Variants in HUWE1 observed in about 807,000 individuals in gnomAD.
HUWE1 encodes HECT, UBA and WWE domain containing E3 ubiquitin protein ligase 1, also known as E3 ubiquitin-protein ligase HUWE1.
Under a neutral mutation model 299.4 loss-of-function variants are expected in HUWE1, and 18 were observed. That is an observed-to-expected ratio of 0.06 (90% CI 0.04 to 0.09). The LOEUF is 0.09. HUWE1 is among the 10% of genes least tolerant of loss of function. HUWE1 has a pLI of 1.00. For missense variants in HUWE1, 1,832 were observed against 3,462.3 expected (o/e 0.53, Z 11.82); for synonymous variants, 1,317 against 1,286.1 (o/e 1.02, Z -0.51).
At chrX:53,537,434 A>G in intron 78 of HUWE1, 122 bp downstream of exon 78, 1 of 711,889 alleles carries the variant, frequency 1.4e-6, no homozygotes, top group Non-Finnish European at 2.2e-6. Flanking sequence ...CCAGATTCCT[A>G]TGGGGAATTC....
At chrX:53,631,111 AACAACACAACTAAACGTTTTCTCCTTTG>A (rs2066848724) in intron 11 of HUWE1, 77 bp from the exon 12 acceptor site, 4 of 642,044 alleles carry the variant, frequency 6.2e-6, no homozygotes, top group Non-Finnish European at 1.0e-5. Context: ...TAACTCAAAA[AACAACACAACTAAACGTTTTCTCCTTTG>A]ATATCCGAAG....
rs2066734582 is a variant in HUWE1 at position 53,629,532 on chromosome X, G to A, written c.947C>T (p.Thr316Met). 4 of 1,180,918 alleles carry A rather than the reference G, an allele frequency of 3.4e-6. No individual in the cohort carries two copies. The highest frequency in any genetic ancestry group is 2.3e-6 in the Non-Finnish European group (2 of 868,187). ...AATACTTACCATAAGCTGCTTATCCGTTATCTGAAGGACATCTACCAACTC... is the reference window on the plus strand; with the variant it reads ...AATACTTACCATAAGCTGCTTATCCATTATCTGAAGGACATCTACCAACTC... ...IEELVDVLQI[T>M]DKQLMEIKAA... Residue 316 changes from threonine to methionine, a missense_variant, in exon 13 of 84, where the codon ACG becomes ATG. Thr to Met is a moderately conservative substitution (Grantham distance 81). Transcript: ENST00000262854.
In HUWE1 at chrX:53,584,206, C is replaced by T. The variant is rs782671267; in HGVS notation, c.5141G>A (p.Arg1714His). ...CATACCATTGCCTTTATTTTCTTTA[C>T]GTTTGATATCCATTTCTTTGCTTTC... Reference protein sequence around the residue: ...LEESKEMDIKRKENKGNDTPL... With the variant: ...LEESKEMDIKHKENKGNDTPL... Residue 1714 changes from arginine to histidine, a missense_variant, in exon 41 of 84, where the codon CGT (arginine) becomes CAT (histidine). Coordinates refer to ENST00000262854, the MANE Select transcript of HUWE1 (RefSeq NM_031407.7). 1.7e-6 allele frequency: 2 copies of T among 1,207,398 alleles called. No homozygotes were observed. The highest frequency in any genetic ancestry group is 1.7e-5 in the African/African-American group (1 of 57,174).
chrX:53,578,374 CCCGGCCAGCCGCCCCGT>C (rs1465265683), intron 43 of HUWE1, among the ~76,000 whole-genome samples: 2 of 101,467 alleles, frequency 2.0e-5, no homozygotes, highest in Non-Finnish European at 4.0e-5. Flanking sequence ...CAGCCCCCCG[CCCGGCCAGCCGCCCCGT>C]CCGGGAGGTG....
chrX:53,553,551 T>C (rs959816170), intron 61 of HUWE1, among the ~76,000 whole-genome samples: 2 of 107,357 alleles, frequency 1.9e-5, no homozygotes, highest in Non-Finnish European at 3.9e-5. Context: ...GGCTCATGCC[T>C]GTAATCCAAG....
chrX:53,644,436 G>A (rs929176475), intron 7 of HUWE1, among the ~76,000 whole-genome samples: 5 of 111,629 alleles, frequency 4.5e-5, no homozygotes, highest in African/African-American at 1.3e-4. Context: ...GTTTTTAATA[G>A]TAAGAGGAAA....
chrX:53,616,829 G>A (rs2065831691), intron 21 of HUWE1, 141 bp downstream of exon 21: 1 of 491,140 alleles, frequency 2.0e-6, no homozygotes, highest in African/African-American at 2.4e-5. Context: ...TATTCCTTCT[G>A]AAGTATAATA....
intron 47 of HUWE1, among the ~76,000 whole-genome samples, chrX:53,570,186 A>G (rs2062755905): frequency 9.2e-6 from 1 of 109,120 alleles, no homozygotes; most frequent in African/African-American, 3.6e-5. Context: ...ATTCACAGGC[A>G]TGATCATCGC....
In HUWE1 at chrX:53,538,377, C is replaced by T; in HGVS notation, c.11956G>A (p.Val3986Ile). 1 of 1,209,015 alleles carries T rather than the reference C, an allele frequency of 8.3e-7. No individual in the cohort carries two copies. Among genetic ancestry groups the T allele is most frequent in the Non-Finnish European group, 1.1e-6 (1 of 893,289 alleles). ...HLADGPFAVL[V>I]DYIRVLDFDV... is the part of the protein sequence containing the mutation. ...AAGTCGAGGACACGAATGTAGTCTA[C>T]CAGGACAGCAAAAGGCCCATCAGCA... The change falls in exon 77 of 84, where the codon GTA (valine) becomes ATA (isoleucine). Residue 3986 changes from valine (V) to isoleucine (I), a missense_variant. Val to Ile is a conservative substitution (Grantham distance 29). Around this residue, in one of 15 missense-constraint regions of HUWE1, gnomAD observed 129 missense variants for 439.4 expected, o/e 0.29. Coordinates refer to ENST00000262854, the MANE Select transcript of HUWE1 (RefSeq NM_031407.7).
At chrX:53,639,403 TA>T (rs2067427882) in intron 7 of HUWE1, among the ~76,000 whole-genome samples, 1 of 111,501 alleles carries the variant, frequency 9.0e-6, no homozygotes, top group South Asian at 3.7e-4. Context: ...ATAACAAATA[TA>T]AGCATGCATC....
chrX:53,658,426 A>T (rs782044905), intron 3 of HUWE1, among the ~76,000 whole-genome samples: 1 of 111,931 alleles, frequency 8.9e-6, no homozygotes, highest in African/African-American at 3.3e-5. Context: ...AAAGGAGAAG[A>T]ACAAAGTCAG....
At chrX:53,536,811 C>G (rs2061082770) in intron 78 of HUWE1, 144 bp from the exon 79 acceptor site, 1 of 533,345 alleles carries the variant, frequency 1.9e-6, no homozygotes, top group Non-Finnish European at 3.1e-6. Flanking sequence ...CAGGACAGCC[C>G]AGAAATGGGG....
intron 74 of HUWE1, among the ~76,000 whole-genome samples, chrX:53,540,539 G>A (rs1250749968): frequency 1.8e-5 from 2 of 111,902 alleles, no homozygotes; most frequent in African/African-American, 6.5e-5. Context: ...ATGTTGGTCA[G>A]GCTGGTCTTG....
rs781865515 is a variant in HUWE1, at chrX:53,628,464, T to TA, written c.1242+28dup. 0.033 allele frequency: 33,411 copies of TA among 999,975 alleles called. 1 individual carries two copies. The highest frequency in any genetic ancestry group is 0.037 in the Non-Finnish European group (28,229 of 758,065). 82.4% of individuals were successfully genotyped at this position (999,975 alleles called of 1,213,427 possible). A position where few individuals can be genotyped will look rare whatever the true frequency, so the allele number is the denominator to read the frequency against. On this transcript the variant is annotated intron_variant, in intron 15 of 83. Transcript: ENST00000262854. ...CCTTAGTTGATTTCCCCATGTAGTT[T>TA]AAAAAAAAAAAAAAAAAAAGTACAG...
intron 74 of HUWE1, 55 bp from the exon 75 acceptor site, chrX:53,539,867 G>A (rs1602515395): frequency 9.1e-7 from 1 of 1,100,700 alleles, no homozygotes. Context: ...CTTCTGCTTA[G>A]ATCTTTCTAG....
chrX:53,580,544 A>G (rs1037546335), intron 43 of HUWE1, among the ~76,000 whole-genome samples: 3 of 112,013 alleles, frequency 2.7e-5, no homozygotes, highest in African/African-American at 6.5e-5. Flanking sequence ...TGATTTGTAA[A>G]CCATTAACTA....
rs1247481031 is a variant in HUWE1, at chrX:53,634,244, G to C, written c.559C>G (p.His187Asp). 5.0e-6 allele frequency: 6 copies of C among 1,201,892 alleles called. No individual in the cohort carries two copies. The highest frequency in any genetic ancestry group is 6.8e-6 in the Non-Finnish European group (6 of 886,777). ...FGLAECCRDLHMMKYPPSATT... is the reference protein window; with the variant it reads ...FGLAECCRDLDMMKYPPSATT... ...CCCAAAGAGTTACTTACCATCATAT[G>C]CAAGTCTCTGCAACATTCTGCAAGT... The change falls in exon 8 of 84, where the codon CAT (histidine) becomes GAT (aspartate). Residue 187 changes from histidine (H) to aspartate (D), a missense_variant. Physicochemically the swap from His to Asp is moderately conservative, Grantham distance 81 (BLOSUM62 -1). Transcript: ENST00000262854.
At position 53,550,675 on chromosome X, in the gene HUWE1, C is replaced by T. The variant is rs1556927810; in HGVS notation, c.9479G>A (p.Ser3160Asn). 7 of 1,207,523 alleles carry T rather than the reference C, an allele frequency of 5.8e-6. No homozygotes were observed. The highest frequency in any genetic ancestry group is 6.7e-6 in the Non-Finnish European group (6 of 893,373). Residue 3160 changes from serine (S) to asparagine (N), a missense_variant, in exon 66 of 84, where the codon AGC becomes AAC. Ser to Asn is a conservative substitution (Grantham distance 46). Transcript: ENST00000262854. ...GGTFQMGGSSSHNRPSGSNVD... is the reference protein window; with the variant it reads ...GGTFQMGGSSNHNRPSGSNVD... ...AAATAGACAAAGGTACCTGTTATGG[C>T]TGCTGCTACCCCCCATCTGGAAGGT...
At position 53,594,506 on chromosome X, in the gene HUWE1, G is replaced by A. The variant is rs782575056; in HGVS notation, c.3496C>T (p.Leu1166Phe). 4 of 1,210,229 alleles carry A rather than the reference G, an allele frequency of 3.3e-6. No individual in the cohort carries two copies. Among genetic ancestry groups the A allele is most frequent in the Non-Finnish European group, 4.5e-6 (4 of 894,589 alleles). The change falls in exon 31 of 84, where the codon CTT becomes TTT. Residue 1166 changes from leucine to phenylalanine, a missense_variant. By Grantham distance (22) the Leu-to-Phe change is conservative. Transcript: ENST00000262854. ...AAGCAACTTGATCCTTACTCAAAAA[G>A]AGCATTGTGGCCTCCGGAGCAGAGA... ...KFLCSGGHNA[L>F]FETFNWALSM...
Sources: allele counts gnomAD v4.1 joint callset (sites outside exome capture counted in the v4.1 genomes callset), GRCh38; gene constraint gnomAD v4.1.1; regional missense constraint gnomAD v4.1.1; transcripts MANE v1.5; gene names NCBI Gene and HGNC (gene_info 2026-07-23, HGNC 2026-07-21).